Variants in SORCS3 observed in about 807,000 individuals in gnomAD.
SORCS3 encodes the protein VPS10 domain-containing receptor SorCS3.
SORCS3 carries 57 observed loss-of-function variants against 146.3 expected under a neutral mutation model. The ratio of observed to expected loss-of-function variants is 0.39; its 90% confidence interval spans 0.31 to 0.49. SORCS3 has a LOEUF of 0.49. Among genes scored for constraint, SORCS3 ranks in the 20% least tolerant of loss-of-function variants. SORCS3 has a pLI of 0.92. For missense variants in SORCS3, 1,341 were observed against 1,575.5 expected (o/e 0.85, Z 2.52); for synonymous variants, 653 against 618.5 (o/e 1.06, Z -0.83).
At chr10:104,796,062 A>C (rs2017551426) in intron 1 of SORCS3, among the ~76,000 whole-genome samples, 1 of 152,236 alleles carries the variant, frequency 6.6e-6, no homozygotes, top group Non-Finnish European at 1.5e-5. Flanking sequence ...AAAAGGAGAA[A>C]AGGATCATGA....
chr10:104,982,121 C>T (rs1052087735), intron 4 of SORCS3, among the ~76,000 whole-genome samples: 7 of 152,072 alleles, frequency 4.6e-5, no homozygotes, highest in East Asian at 3.8e-4. Context: ...TAGTAGCTGA[C>T]GGATTGACAG....
chr10:105,107,502 C>A (rs2055830807), intron 7 of SORCS3, among the ~76,000 whole-genome samples: 1 of 152,142 alleles, frequency 6.6e-6, no homozygotes, highest in Non-Finnish European at 1.5e-5. Flanking sequence ...CAGACAGATA[C>A]ACAGATTTTT....
At chr10:105,182,252 T>C (rs914241952) in intron 14 of SORCS3, among the ~76,000 whole-genome samples, 2 of 141,092 alleles carry the variant, frequency 1.4e-5, no homozygotes, top group African/African-American at 5.3e-5. Flanking sequence ...TTTTTTTTTT[T>C]TGTGCCAGGT....
rs1317921676 is a variant in SORCS3 at position 105,043,107 on chromosome 10, T to C, written c.1007T>C (p.Ile336Thr). Reference sequence around the variant, plus strand: ...CGGTGGCAACTCATGCATGAACGCATCACACCCAACAGGTTTTATTGGTAA... The same window carrying C: ...CGGTGGCAACTCATGCATGAACGCACCACACCCAACAGGTTTTATTGGTAA... ...GRRWQLMHER[I>T]TPNRFYWSVA... The change falls in exon 5 of 27, where the codon ATC (isoleucine) becomes ACC (threonine). Residue 336 changes from isoleucine (I) to threonine (T), a missense_variant. Coordinates refer to ENST00000369701, the MANE Select transcript of SORCS3 (RefSeq NM_014978.3). The C allele has an allele frequency of 1.2e-6, 2 of 1,613,786 alleles. No individual in the cohort carries two copies. The highest frequency in any genetic ancestry group is 2.2e-5 in the East Asian group (1 of 44,864).
chr10:104,889,282 CTTTTTTTT>C (rs35462776), intron 2 of SORCS3, among the ~76,000 whole-genome samples: 1 of 122,716 alleles, frequency 8.1e-6, no homozygotes, highest in African/African-American at 2.8e-5. Flanking sequence ...ATTTCCTGTG[CTTTTTTTT>C]TTTTTTTTAA....
intron 7 of SORCS3, among the ~76,000 whole-genome samples, chr10:105,107,507 A>AT (rs941070935): frequency 4.6e-5 from 7 of 152,144 alleles, no homozygotes; most frequent in African/African-American, 4.8e-5. Flanking sequence ...AGATACACAG[A>AT]TTTTTTTAAA....
chr10:104,742,034 G>T (rs1589481173), intron 1 of SORCS3, among the ~76,000 whole-genome samples: 1 of 151,630 alleles, frequency 6.6e-6, no homozygotes, highest in East Asian at 1.9e-4. Context: ...GGACATTTGG[G>T]TACTGTATGA....
At chr10:104,705,522 C>T (rs1472901475) in intron 1 of SORCS3, among the ~76,000 whole-genome samples, 1 of 152,158 alleles carries the variant, frequency 6.6e-6, no homozygotes, top group Non-Finnish European at 1.5e-5. Context: ...TGGTACTCAT[C>T]TTCTGTTGAT....
At chr10:105,204,423 G>A (rs1298210999) in intron 16 of SORCS3, among the ~76,000 whole-genome samples, 1 of 152,074 alleles carries the variant, frequency 6.6e-6, no homozygotes, top group Non-Finnish European at 1.5e-5. Context: ...AAGGACTTGG[G>A]TTTACTGCTG....
At chr10:104,726,894 G>A (rs999110536) in intron 1 of SORCS3, among the ~76,000 whole-genome samples, 1 of 152,132 alleles carries the variant, frequency 6.6e-6, no homozygotes, top group Admixed American at 6.5e-5. Context: ...AAGACTTCCA[G>A]TGTTCAATCT....
intron 5 of SORCS3, among the ~76,000 whole-genome samples, chr10:105,063,560 A>G (rs1444560873): frequency 1.3e-5 from 2 of 152,252 alleles, no homozygotes; most frequent in Admixed American, 6.5e-5. Flanking sequence ...CACTTGTGAG[A>G]TAAGGTGTGA....
At chr10:105,072,433 TC>T (rs1201898822) in intron 5 of SORCS3, among the ~76,000 whole-genome samples, 1 of 152,150 alleles carries the variant, frequency 6.6e-6, no homozygotes, top group Non-Finnish European at 1.5e-5. Context: ...ATTTTAATTG[TC>T]CCAGAGGGTG....
At chr10:105,216,321 G>A (rs941825693) in intron 18 of SORCS3, among the ~76,000 whole-genome samples, 1 of 152,104 alleles carries the variant, frequency 6.6e-6, no homozygotes, top group Admixed American at 6.5e-5. Context: ...TATTAAGTGA[G>A]TAGCATAATT....
chr10:105,100,263 C>T (rs916680434), intron 6 of SORCS3, among the ~76,000 whole-genome samples: 1 of 152,150 alleles, frequency 6.6e-6, no homozygotes, highest in Non-Finnish European at 1.5e-5. Context: ...ATTAGGAAGA[C>T]ATTTTACATT....
intron 6 of SORCS3, among the ~76,000 whole-genome samples, chr10:105,095,303 C>T (rs1358820055): frequency 6.6e-6 from 1 of 152,166 alleles, no homozygotes; most frequent in Non-Finnish European, 1.5e-5. Context: ...AGTCAAGTGG[C>T]TTGTCTAGTG....
chr10:104,941,391 A>C (rs538269692), intron 3 of SORCS3, among the ~76,000 whole-genome samples: 15 of 152,322 alleles, frequency 9.8e-5, no homozygotes, highest in African/African-American at 2.6e-4. Flanking sequence ...ATAAGGAAGA[A>C]TAGAAAATGT....
intron 4 of SORCS3, among the ~76,000 whole-genome samples, chr10:105,008,244 C>T (rs2055109842): frequency 6.6e-6 from 1 of 152,156 alleles, no homozygotes; most frequent in Non-Finnish European, 1.5e-5. Context: ...GTGAACAAGA[C>T]ACCTTGTCTT....
intron 7 of SORCS3, among the ~76,000 whole-genome samples, chr10:105,130,341 T>C (rs182440499): frequency 6.6e-6 from 1 of 152,234 alleles, no homozygotes; most frequent in Non-Finnish European, 1.5e-5. Flanking sequence ...GAAGGAACAG[T>C]GTCAGAGGGT....
Position 104,854,069 on chromosome 10 carries a change from C to T in SORCS3, c.695+11210C>T, listed in dbSNP as rs532830792. On this transcript the variant is annotated intron_variant, in intron 2 of 26. Coordinates refer to ENST00000369701, the MANE Select transcript of SORCS3 (RefSeq NM_014978.3). Reference sequence around the variant, plus strand: ...TCTCACTTGCCCCTTGCTGTCTCCCCGAATAGCTTTTAACTCCCAGTTTAG... The same window carrying T: ...TCTCACTTGCCCCTTGCTGTCTCCCTGAATAGCTTTTAACTCCCAGTTTAG... Among the ~76,000 whole-genome samples, 22 of 152,258 alleles carry T rather than the reference C, an allele frequency of 1.4e-4. No individual in the cohort carries two copies. In the East Asian group the frequency reaches 2.3e-3, roughly 16 times the overall value.
Sources: gnomAD v4.1 joint callset for allele counts (sites outside exome capture counted in the v4.1 genomes callset) on GRCh38, gnomAD v4.1.1 for gene constraint, MANE v1.5 for transcripts, NCBI Gene and HGNC (gene_info 2026-07-23, HGNC 2026-07-21) for gene names.